Variants in SPSB1 observed in about 807,000 individuals in gnomAD.
SPSB1 encodes the protein splA/ryanodine receptor domain and SOCS box containing 1.
SPSB1 carries 8 observed loss-of-function variants against 21.2 expected under a neutral mutation model. The observed-to-expected ratio is 0.38, with a 90% CI of 0.22 to 0.68. SPSB1 has a LOEUF of 0.68. Ranked by LOEUF, SPSB1 falls within the 30% of genes least tolerant of loss-of-function variation. The pLI is 0.53. For missense variants in SPSB1, 242 were observed against 377.8 expected (o/e 0.64, Z 2.98); for synonymous variants, 169 against 161.7 (o/e 1.05, Z -0.34).
chr1:9,329,806 G>A (rs1200106853), intron 1 of SPSB1, among the ~76,000 whole-genome samples: 7 of 152,164 alleles, frequency 4.6e-5, no homozygotes, highest in African/African-American at 1.7e-4. Context: ...GGGGCCGTGG[G>A]GATGGTAGGC....
intron 1 of SPSB1, among the ~76,000 whole-genome samples, chr1:9,342,331 C>CA (rs1640103559): frequency 6.6e-6 from 1 of 152,154 alleles, no homozygotes; most frequent in Non-Finnish European, 1.5e-5. Context: ...TGCGTAGTGA[C>CA]AAGTCCAGAA....
At chr1:9,340,732 C>T (rs1640077883) in intron 1 of SPSB1, among the ~76,000 whole-genome samples, 1 of 152,274 alleles carries the variant, frequency 6.6e-6, no homozygotes, top group African/African-American at 2.4e-5. Flanking sequence ...CTGCTCGCCC[C>T]TCTGCCTGCA....
In SPSB1 at chr1:9,306,930, C is replaced by T. The variant is rs199889254; in HGVS notation, c.-150+13859C>T. ...TTTCTTTTACTTTTCTTCTTTTCTT[C>T]TTTTTTTTTTTTTTTTAAGTGGAAT... On this transcript the variant is annotated intron_variant, in intron 1 of 2. Transcript: ENST00000328089. Among the ~76,000 whole-genome samples the T allele has an allele frequency of 1.6e-3, 109 of 67,448 alleles. 9 individuals are homozygous for T. Among genetic ancestry groups the T allele is most frequent in the East Asian group, 3.1e-3 (3 of 980 alleles). The allele number at this position is 67,448 out of a possible 152,430, so 44.2% of individuals were successfully genotyped here.
chr1:9,331,321 GTTTTTTTTTTTTTTT>G (rs34199175), intron 1 of SPSB1, among the ~76,000 whole-genome samples: 1 of 53,704 alleles, frequency 1.9e-5, no homozygotes, highest in Non-Finnish European at 3.3e-5. Flanking sequence ...TGGTGCTCTT[GTTTTTTTTTTTTTTT>G]TTTTTTTTTT....
At chr1:9,361,154 TTC>T (rs1491435627) in intron 2 of SPSB1, among the ~76,000 whole-genome samples, 1 of 69,928 alleles carries the variant, frequency 1.4e-5, no homozygotes, top group East Asian at 6.5e-4. Context: ...ATCTGTCATT[TTC>T]TTTTTTTTTT....
intron 1 of SPSB1, among the ~76,000 whole-genome samples, chr1:9,320,666 T>G (rs1296074): frequency 0.59 from 90,392 of 151,986 alleles, 27,892 homozygotes; most frequent in Middle Eastern, 0.72. Context: ...GATCATTTTC[T>G]AGACATTGCC....
chr1:9,364,355 C>T (rs985558533), intron 2 of SPSB1, among the ~76,000 whole-genome samples: 2 of 152,264 alleles, frequency 1.3e-5, no homozygotes, highest in African/African-American at 2.4e-5. Flanking sequence ...CTGCGATAAG[C>T]ACTTCTGGCC....
intron 1 of SPSB1, among the ~76,000 whole-genome samples, chr1:9,295,669 G>A (rs546317180): frequency 6.6e-6 from 1 of 152,130 alleles, no homozygotes; most frequent in Admixed American, 6.5e-5. Context: ...GGAAGCCAGC[G>A]CTGCCCTCCC....
chr1:9,322,885 C>T (rs559078204), intron 1 of SPSB1, among the ~76,000 whole-genome samples: 6 of 150,684 alleles, frequency 4.0e-5, no homozygotes, highest in South Asian at 2.1e-4. Flanking sequence ...CCCGCCCGGA[C>T]GCTCTTCTCA....
chr1:9,297,565 G>A (rs1445995657), intron 1 of SPSB1, among the ~76,000 whole-genome samples: 2 of 152,074 alleles, frequency 1.3e-5, no homozygotes, highest in African/African-American at 4.8e-5. Flanking sequence ...ATTAGGATGT[G>A]GAACGAACAT....
chr1:9,316,853 C>T (rs192876783), intron 1 of SPSB1, among the ~76,000 whole-genome samples: 116 of 152,268 alleles, frequency 7.6e-4, no homozygotes, highest in Admixed American at 1.2e-3. Context: ...ATGACCTGGC[C>T]GGACCTTGTG....
In SPSB1 at chr1:9,361,583, G is replaced by A. The variant is rs536407490; in HGVS notation, c.694+4998G>A. ...GAGTCCCGGCTTCTACACTGGGGCCGTGGCCGGGCGGAAGTAGGGGTACTG... is the reference window on the plus strand; with the variant it reads ...GAGTCCCGGCTTCTACACTGGGGCCATGGCCGGGCGGAAGTAGGGGTACTG... On this transcript the variant is annotated intron_variant, in intron 2 of 2. Transcript: ENST00000328089. Among the ~76,000 whole-genome samples, 9 of 152,352 alleles carry A rather than the reference G, an allele frequency of 5.9e-5. No individual in the cohort carries two copies. In the East Asian group the frequency reaches 1.4e-3, roughly 23 times the overall value.
chr1:9,318,270 C>T (rs1310509481), intron 1 of SPSB1, among the ~76,000 whole-genome samples: 9 of 152,256 alleles, frequency 5.9e-5, no homozygotes, highest in Admixed American at 2.6e-4. Context: ...GTCCTCCGCC[C>T]GCTTGGGTCT....
intron 1 of SPSB1, among the ~76,000 whole-genome samples, chr1:9,342,275 C>T (rs1022683952): frequency 6.6e-6 from 1 of 152,142 alleles, no homozygotes; most frequent in African/African-American, 2.4e-5. Flanking sequence ...CTGTGAGTGA[C>T]GATCCCTCCG....
In SPSB1 at chr1:9,293,119, C is replaced by T. The variant is rs1196112114; in HGVS notation, c.-150+48C>T. 1.2e-5 allele frequency: 12 copies of T among 976,216 alleles called. No individual in the cohort carries two copies. The highest frequency in any genetic ancestry group is 1.5e-5 in the Non-Finnish European group (12 of 824,410). 60.5% of individuals were successfully genotyped at this position (976,216 alleles called of 1,614,324 possible). On this transcript the variant is annotated intron_variant, in intron 1 of 2. Transcript: ENST00000328089. This position sits in a 1 kb window ranked among gnomAD's most constrained non-coding sequence, Gnocchi z 5.1. ...GACCCCGATGGGTGGGCGACCGGCCCGGGAGGGGGAGGCGCGGGGGGCCGG... is the reference window on the plus strand; with the variant it reads ...GACCCCGATGGGTGGGCGACCGGCCTGGGAGGGGGAGGCGCGGGGGGCCGG...
At chr1:9,296,613 C>A (rs1479855595) in intron 1 of SPSB1, among the ~76,000 whole-genome samples, 1 of 41,428 alleles carries the variant, frequency 2.4e-5, no homozygotes, top group Non-Finnish European at 7.5e-5. Context: ...CATATGCACA[C>A]ACATATATGC....
intron 1 of SPSB1, among the ~76,000 whole-genome samples, chr1:9,295,290 A>G (rs1320964041): frequency 2.0e-5 from 3 of 151,996 alleles, no homozygotes. Flanking sequence ...CAATCACTTT[A>G]CAAGTCTTCC....
rs182230378 is a variant in SPSB1, at chr1:9,305,330, C to T, written c.-150+12259C>T. On this transcript the variant is annotated intron_variant, in intron 1 of 2. Transcript: ENST00000328089. This position sits in a 1 kb window ranked among gnomAD's most constrained non-coding sequence, Gnocchi z 4.8. The stretch of plus-strand genomic sequence containing the variant: ...CTTCAGCAGGTAGCCCTGCCATCCA[C>T]GGTCCACCCTGTCACCCAGACACAT... Among the ~76,000 whole-genome samples the T allele has an allele frequency of 5.3e-5, 8 of 152,362 alleles. No homozygotes were observed. Among genetic ancestry groups the T allele is most frequent in the Admixed American group, 2.6e-4 (4 of 15,312 alleles).
chr1:9,298,370 A>C (rs993218198), intron 1 of SPSB1, among the ~76,000 whole-genome samples: 68 of 120,602 alleles, frequency 5.6e-4, no homozygotes, highest in Admixed American at 2.3e-3. Flanking sequence ...CTAAGCCCCC[A>C]TGAATGAATG....
Sources: allele counts gnomAD v4.1 joint callset (sites outside exome capture counted in the v4.1 genomes callset), GRCh38; gene constraint gnomAD v4.1.1; non-coding constraint Gnocchi (gnomAD v3.1); transcripts MANE v1.5; gene names NCBI Gene and HGNC (gene_info 2026-07-23, HGNC 2026-07-21).